Variants in CHRNA7 observed in about 807,000 individuals in gnomAD.
CHRNA7 encodes the protein neuronal acetylcholine receptor subunit alpha-7.
CHRNA7 carries 17 observed loss-of-function variants against 48.0 expected under a neutral mutation model. The ratio of observed to expected loss-of-function variants is 0.35; its 90% CI spans 0.24 to 0.53. The LOEUF (loss-of-function observed/expected upper bound fraction) is 0.53, where lower values mean the gene tolerates loss of function less well. CHRNA7 is among the 20% of genes least tolerant of loss of function. The probability of loss-of-function intolerance (pLI) is 0.92; values close to 1 mark genes in which losing one functional copy is unlikely to be tolerated. For synonymous variants in CHRNA7, 75 were observed against 242.3 expected (o/e 0.31, Z 6.41); for missense variants, 155 against 577.7 (o/e 0.27, Z 7.50).
chr15:32,030,688 G>GATCCCGGGCAC, intron 1 of CHRNA7, 39 bp downstream of exon 1: 12 of 1,555,046 alleles, frequency 7.7e-6, no homozygotes, highest in Non-Finnish European at 8.7e-7. Context: ...TCCTCCGTGG[G>GATCCCGGGCAC]ATCCCGGGCA....
At chr15:32,063,163 A>T (rs1355568393) in intron 2 of CHRNA7, among the ~76,000 whole-genome samples, 1 of 152,156 alleles carries the variant, frequency 6.6e-6, no homozygotes, top group East Asian at 1.9e-4. Context: ...TAGTGAGTAA[A>T]TGTGACGGCC....
At chr15:32,095,219 C>A (rs1470192135) in intron 2 of CHRNA7, among the ~76,000 whole-genome samples, 1 of 152,194 alleles carries the variant, frequency 6.6e-6, no homozygotes, top group Non-Finnish European at 1.5e-5. Flanking sequence ...CCCGAGAGGG[C>A]CAGGCCCTGT....
At chr15:32,079,381 A>G (rs1187718710) in intron 2 of CHRNA7, among the ~76,000 whole-genome samples, 1 of 152,220 alleles carries the variant, frequency 6.6e-6, no homozygotes, top group African/African-American at 2.4e-5. Flanking sequence ...TGCAGATGAT[A>G]TGATCCTATA....
intron 4 of CHRNA7, among the ~76,000 whole-genome samples, chr15:32,138,500 A>T (rs1395338547): frequency 6.8e-6 from 1 of 146,480 alleles, no homozygotes; most frequent in East Asian, 2.0e-4. Context: ...AGGGCCGTAC[A>T]ATTGAAATAG....
chr15:32,130,700 C>A (rs968185611), intron 4 of CHRNA7, among the ~76,000 whole-genome samples: 7 of 151,740 alleles, frequency 4.6e-5, no homozygotes, highest in African/African-American at 1.7e-4. Context: ...CTTGATATTA[C>A]ATTTTATGTA....
chr15:32,030,889 C>G lies in CHRNA7; in HGVS notation c.56-9C>G. 1.2e-6 allele frequency: 2 copies of G among 1,613,526 alleles called. No homozygotes were observed. Among genetic ancestry groups the G allele is most frequent in the South Asian group, 1.1e-5 (1 of 91,012 alleles). ...CCTGAGCCCCCTGCCCGGGTCTTCTCTCCTTAAGTGTCCCTGCAAGGCGAG... is the reference window on the plus strand; with the variant it reads ...CCTGAGCCCCCTGCCCGGGTCTTCTGTCCTTAAGTGTCCCTGCAAGGCGAG... On this transcript the variant is annotated splice_polypyrimidine_tract_variant and intron_variant, in intron 1 of 9. Coordinates refer to ENST00000306901, the MANE Select transcript of CHRNA7 (RefSeq NM_000746.6).
chr15:32,118,294 T>C lies in CHRNA7; in HGVS notation c.350+6395T>C, dbSNP rs554516873. ...CATCCATACTGTAAGAAATGAATTCTTTTCTTTATAAATTACCCAGTTTCA... is the reference window on the plus strand; with the variant it reads ...CATCCATACTGTAAGAAATGAATTCCTTTCTTTATAAATTACCCAGTTTCA... On this transcript the variant is annotated intron_variant, in intron 4 of 9. Transcript: ENST00000306901. 1.6e-3 allele frequency among the ~76,000 whole-genome samples: 246 copies of C among 152,340 alleles called. 2 individuals carry two copies. Among genetic ancestry groups the C allele is most frequent in the African/African-American group, 5.6e-3 (233 of 41,580 alleles).
At chr15:32,088,148 T>G (rs1264588016) in intron 2 of CHRNA7, among the ~76,000 whole-genome samples, 1 of 152,188 alleles carries the variant, frequency 6.6e-6, no homozygotes, top group Non-Finnish European at 1.5e-5. Flanking sequence ...GTCTCTAAAG[T>G]TTTGCCTTTT....
intron 2 of CHRNA7, among the ~76,000 whole-genome samples, chr15:32,039,346 A>C (rs907823970): frequency 2.6e-5 from 4 of 152,100 alleles, no homozygotes; most frequent in Non-Finnish European, 4.4e-5. Context: ...AGAAGCTTAG[A>C]ATACTGATTT....
intron 2 of CHRNA7, among the ~76,000 whole-genome samples, chr15:32,047,835 G>GA (rs2049582834): frequency 6.6e-6 from 1 of 152,094 alleles, no homozygotes; most frequent in Non-Finnish European, 1.5e-5. Context: ...ATTATTTTGA[G>GA]ATACATCCCA....
At position 32,149,150 on chromosome 15, in the gene CHRNA7, G is replaced by C. The variant is rs184894928; in HGVS notation, c.351-4757G>C. On this transcript the variant is annotated intron_variant, in intron 4 of 9. Transcript: ENST00000306901. The surrounding 1 kb of genome is among the most constrained non-coding windows in gnomAD (Gnocchi z 4.6). ...CCACAGGCCGGCATCTTCACAAACTGTGGATGTACTGTGTCTTCCAGTAGT... is the reference window on the plus strand; with the variant it reads ...CCACAGGCCGGCATCTTCACAAACTCTGGATGTACTGTGTCTTCCAGTAGT... Among the ~76,000 whole-genome samples the C allele has an allele frequency of 2.6e-3, 397 of 152,362 alleles. 3 individuals carry two copies. Among genetic ancestry groups the C allele is most frequent in the African/African-American group, 8.5e-3 (353 of 41,596 alleles).
At chr15:32,100,340 T>C (rs1376848877) in intron 2 of CHRNA7, 1 of 152,104 alleles carries the variant, frequency 6.6e-6, no homozygotes, top group African/African-American at 2.4e-5. Context: ...ATTCACAGAG[T>C]CCTTTACGTT....
Position 32,112,370 on chromosome 15 carries a change from G to A in CHRNA7, c.350+471G>A, listed in dbSNP as rs528059643. 247 of 457,072 alleles carry A rather than the reference G, an allele frequency of 5.4e-4. 1 individual carries two copies. Among genetic ancestry groups the A allele is most frequent in the South Asian group, 3.1e-3 (199 of 64,570 alleles). 28.3% of individuals were successfully genotyped at this position (457,072 alleles called of 1,614,324 possible). ...GTGGCAGAGATGGCTGCAGGTGAGC[G>A]TGAGGACTGTCATCTCTAGCTGCAT... On this transcript the variant is annotated intron_variant, in intron 4 of 9. Coordinates refer to ENST00000306901, the MANE Select transcript of CHRNA7 (RefSeq NM_000746.6).
At chr15:32,076,805 A>G (rs1050349231) in intron 2 of CHRNA7, among the ~76,000 whole-genome samples, 2 of 152,114 alleles carry the variant, frequency 1.3e-5, no homozygotes, top group Non-Finnish European at 2.9e-5. Flanking sequence ...CATAGTTTAC[A>G]TTAGTGTTTG....
intron 2 of CHRNA7, among the ~76,000 whole-genome samples, chr15:32,093,753 A>T (rs2050421102): frequency 6.6e-6 from 1 of 152,194 alleles, no homozygotes; most frequent in Non-Finnish European, 1.5e-5. Flanking sequence ...TGTCTCAAGG[A>T]ATCACATGCT....
intron 2 of CHRNA7, among the ~76,000 whole-genome samples, chr15:32,075,857 C>T (rs1289087773): frequency 6.6e-6 from 1 of 151,472 alleles, no homozygotes; most frequent in African/African-American, 2.4e-5. Flanking sequence ...TTCAGCATTG[C>T]TTGCTTTCTA....
At chr15:32,046,974 A>G (rs2049561704) in intron 2 of CHRNA7, among the ~76,000 whole-genome samples, 1 of 151,082 alleles carries the variant, frequency 6.6e-6, no homozygotes, top group Admixed American at 6.6e-5. Flanking sequence ...AAGATCAGAT[A>G]GTTGTAGATA....
At position 32,138,951 on chromosome 15, in the gene CHRNA7, G is replaced by A. The variant is rs150298409; in HGVS notation, c.351-14956G>A. ...GTATTTTTAGTAGAGACAGGGTTTC[G>A]TCATGTTGGCCAAGCTGGTCTCAAA... On this transcript the variant is annotated intron_variant, in intron 4 of 9. Transcript: ENST00000306901. Among the ~76,000 whole-genome samples the A allele has an allele frequency of 4.8e-3, 731 of 152,028 alleles. 11 individuals are homozygous for A. Among genetic ancestry groups the A allele is most frequent in the African/African-American group, 0.017 (706 of 41,464 alleles).
At position 32,031,085 on chromosome 15, in the gene CHRNA7, C is replaced by G. The variant is rs200783326; in HGVS notation, c.195+48C>G. On this transcript the variant is annotated intron_variant, in intron 2 of 9. Coordinates refer to ENST00000306901, the MANE Select transcript of CHRNA7 (RefSeq NM_000746.6). ...GCTGCCCTCTCCCCTTCCTGGGCTCCGAGGGGCTTTTTAGACAGCGTCGGG... is the reference window on the plus strand; with the variant it reads ...GCTGCCCTCTCCCCTTCCTGGGCTCGGAGGGGCTTTTTAGACAGCGTCGGG... 7.9e-5 allele frequency: 127 copies of G among 1,608,722 alleles called. 1 individual carries two copies. In the East Asian group the frequency reaches 2.4e-3, roughly 31 times the overall value.
Sources: gnomAD v4.1 joint callset for allele counts (sites outside exome capture counted in the v4.1 genomes callset) on GRCh38, gnomAD v4.1.1 for gene constraint, Gnocchi (gnomAD v3.1) non-coding constraint, MANE v1.5 for transcripts, NCBI Gene and HGNC (gene_info 2026-07-23, HGNC 2026-07-21) for gene names.